P2RY14: variants seen among roughly 807,000 people sequenced by gnomAD.
P2RY14 encodes purinergic receptor P2Y14.
A neutral mutation model predicts 0.9 loss-of-function variants in P2RY14; 2 were observed. The observed-to-expected ratio is 2.16, with a 90% CI of 0.88 to 6.79. The LOEUF (loss-of-function observed/expected upper bound fraction) is 6.79. Among genes scored for constraint, P2RY14 ranks in the 30% most tolerant of loss-of-function variants. P2RY14 has a pLI of 0.05. For synonymous variants in P2RY14, 158 were observed against 147.2 expected, an observed-to-expected ratio of 1.07 and a Z score of -0.53; for missense variants, 378 against 400.1, an observed-to-expected ratio of 0.94 and a Z score of 0.47.
intron 2 of P2RY14, among the ~76,000 whole-genome samples, chr3:151,215,426 C>A (rs1165336866): frequency 6.6e-6 from 1 of 151,694 alleles, no homozygotes; most frequent in Non-Finnish European, 1.5e-5. Flanking sequence ...TCTACAAATG[C>A]TCTATTAAAT....
chr3:151,265,379 TA>T (rs1448825756), intron 1 of P2RY14, among the ~76,000 whole-genome samples: 2 of 152,242 alleles, frequency 1.3e-5, no homozygotes, highest in African/African-American at 4.8e-5. Context: ...GAGAATTTTT[TA>T]AAAAGCAGAA....
chr3:151,260,612 A>G (rs1457073847), intron 1 of P2RY14, among the ~76,000 whole-genome samples: 9 of 152,144 alleles, frequency 5.9e-5, no homozygotes, highest in Non-Finnish European at 8.8e-5. Flanking sequence ...CAGTCTACCA[A>G]CATGCTGGAA....
Position 151,212,466 on chromosome 3 carries a change from T to C in P2RY14, c.*834A>G, listed in dbSNP as rs1727325260. 1 of 152,234 alleles carries C rather than the reference T, an allele frequency of 6.6e-6. No individual in the cohort carries two copies. Among genetic ancestry groups the C allele is most frequent in the Non-Finnish European group, 1.5e-5 (1 of 68,042 alleles). 9.4% of individuals were successfully genotyped at this position (152,234 alleles called of 1,614,324 possible). ...TTCGCCAGTAGATTAATATATGTTC[T>C]ACGGTGTGGGTGTGTCTTTTTCCCA... On this transcript the variant is annotated 3_prime_UTR_variant, in exon 3 of 3. Coordinates refer to ENST00000309170, the MANE Select transcript of P2RY14 (RefSeq NM_014879.4).
chr3:151,269,801 C>T (rs1339066638), intron 1 of P2RY14: 1 of 418,528 alleles, frequency 2.4e-6, no homozygotes, highest in Non-Finnish European at 4.7e-6. Flanking sequence ...AAATGCAAAT[C>T]TGGAAAGGAT....
At chr3:151,275,900 T>C (rs774693086) in intron 1 of P2RY14, among the ~76,000 whole-genome samples, 3 of 152,148 alleles carry the variant, frequency 2.0e-5, no homozygotes, top group South Asian at 4.1e-4. Context: ...CTTTTAGTAT[T>C]GCGGGGTGAT....
At chr3:151,276,274 C>T (rs1366898398) in intron 1 of P2RY14, among the ~76,000 whole-genome samples, 2 of 152,208 alleles carry the variant, frequency 1.3e-5, no homozygotes, top group African/African-American at 4.8e-5. Flanking sequence ...CTGACAAGCT[C>T]ACTGGTGATG....
chr3:151,244,713 A>C (rs1316361273), intron 1 of P2RY14, among the ~76,000 whole-genome samples: 2 of 151,600 alleles, frequency 1.3e-5, no homozygotes, highest in Non-Finnish European at 2.9e-5. Flanking sequence ...AAGAACTAGA[A>C]AAGCAAGAGC....
intron 1 of P2RY14, among the ~76,000 whole-genome samples, chr3:151,222,927 A>C (rs1729671549): frequency 6.6e-6 from 1 of 152,150 alleles, no homozygotes. Flanking sequence ...ATTTCATCAT[A>C]ATCTTCCCAT....
At chr3:151,247,441 G>C (rs1735811529) in intron 1 of P2RY14, among the ~76,000 whole-genome samples, 2 of 151,862 alleles carry the variant, frequency 1.3e-5, no homozygotes, top group Non-Finnish European at 2.9e-5. Context: ...CCATAAAAAT[G>C]ATGAGTTCAT....
intron 2 of P2RY14, among the ~76,000 whole-genome samples, chr3:151,215,239 G>T (rs1420926397): frequency 6.6e-6 from 1 of 151,898 alleles, no homozygotes; most frequent in Admixed American, 6.6e-5. Flanking sequence ...TTCTACATCT[G>T]TACTATTCAG....
chr3:151,260,614 A>G (rs1210043519), intron 1 of P2RY14, among the ~76,000 whole-genome samples: 2 of 152,114 alleles, frequency 1.3e-5, no homozygotes, highest in East Asian at 3.9e-4. Context: ...GTCTACCAAC[A>G]TGCTGGAATT....
At chr3:151,275,567 TTGAG>T (rs1741712130) in intron 1 of P2RY14, among the ~76,000 whole-genome samples, 1 of 152,168 alleles carries the variant, frequency 6.6e-6, no homozygotes, top group African/African-American at 2.4e-5. Flanking sequence ...AACAGGTGGA[TTGAG>T]AAGCTTTGCT....
At chr3:151,259,959 T>C (rs1053539666) in intron 1 of P2RY14, among the ~76,000 whole-genome samples, 8 of 152,224 alleles carry the variant, frequency 5.3e-5, no homozygotes, top group African/African-American at 1.9e-4. Flanking sequence ...TTTTGGTATG[T>C]GGTAAATATT....
intron 2 of P2RY14, among the ~76,000 whole-genome samples, chr3:151,218,279 T>G (rs2149250681): frequency 6.6e-6 from 1 of 152,336 alleles, no homozygotes; most frequent in East Asian, 1.9e-4. Context: ...TACCAGCTCA[T>G]GCCAGTCCAT....
intron 1 of P2RY14, chr3:151,249,048 C>G (rs1736332953): frequency 6.6e-6 from 1 of 152,178 alleles, no homozygotes; most frequent in African/African-American, 2.4e-5. Flanking sequence ...GACATCTCGC[C>G]AAATGCTTGA....
At chr3:151,255,310 A>G (rs1348893125) in intron 1 of P2RY14, among the ~76,000 whole-genome samples, 1 of 152,164 alleles carries the variant, frequency 6.6e-6, no homozygotes, top group Non-Finnish European at 1.5e-5. Flanking sequence ...TTCATGTGTG[A>G]CATGCAGTGT....
rs538767458 is a variant in P2RY14 at position 151,247,053 on chromosome 3, C to T, written c.-132-27411G>A. Among the ~76,000 whole-genome samples the T allele has an allele frequency of 6.6e-5, 10 of 152,244 alleles. No individual in the cohort carries two copies. The East Asian group carries it at 1.9e-3, about 29-fold the overall frequency. ...GGCATCAGAGAAATGCAAACCAAAA[C>T]CACAAGAAGATACCATCTCACACCA... is the stretch of plus-strand genomic sequence containing the variant. On this transcript the variant is annotated intron_variant, in intron 1 of 2. Coordinates refer to ENST00000309170, the MANE Select transcript of P2RY14 (RefSeq NM_014879.4).
In P2RY14 at chr3:151,242,417, C is replaced by A. The variant is rs1169530228; in HGVS notation, c.-132-22775G>T. On this transcript the variant is annotated intron_variant, in intron 1 of 2. Transcript: ENST00000309170. ...GAGCAGTGGTTCTCCCAGCACGCAGCTGGAGATCTGAGAACCGGCAGACTG... is the reference window on the plus strand; with the variant it reads ...GAGCAGTGGTTCTCCCAGCACGCAGATGGAGATCTGAGAACCGGCAGACTG... Among the ~76,000 whole-genome samples the A allele has an allele frequency of 7.9e-5, 12 of 152,214 alleles. No homozygotes were observed. The South Asian group carries it at 1.0e-3, about 13-fold the overall frequency.
At chr3:151,262,307 T>C (rs1447752408) in intron 1 of P2RY14, among the ~76,000 whole-genome samples, 1 of 152,234 alleles carries the variant, frequency 6.6e-6, no homozygotes, top group Admixed American at 6.5e-5. Flanking sequence ...AATTTGATTA[T>C]TGTTCATCTC....
Sources: gnomAD v4.1 joint callset for allele counts (sites outside exome capture counted in the v4.1 genomes callset) on GRCh38, gnomAD v4.1.1 for gene constraint, MANE v1.5 for transcripts, NCBI Gene and HGNC (gene_info 2026-07-23, HGNC 2026-07-21) for gene names.